PPP3R1: variants seen among roughly 807,000 people sequenced by gnomAD.
PPP3R1 encodes protein phosphatase 3 regulatory subunit B, alpha.
A neutral mutation model predicts 22.6 loss-of-function variants in PPP3R1; 5 were observed. The observed-to-expected ratio is 0.22, with a 90% CI of 0.12 to 0.46. The LOEUF is 0.46. PPP3R1 is among the 20% of genes least tolerant of loss of function. PPP3R1 has a pLI of 0.99. For synonymous variants in PPP3R1, 56 were observed against 65.2 expected (o/e 0.86, Z 0.68); for missense variants, 61 against 203.2 (o/e 0.30, Z 4.25).
In PPP3R1 at chr2:68,192,896, G is replaced by T. The variant is rs537277634; in HGVS notation, c.44-4206C>A. Among the ~76,000 whole-genome samples the T allele has an allele frequency of 3.3e-5, 5 of 152,160 alleles. No individual in the cohort carries two copies. In the South Asian group the frequency reaches 1.0e-3, roughly 32 times the overall value. ...CTTGGCACATCTCTGCTAAAGTATA[G>T]ATTTTATACCTCCATTTCCTTATAA... On this transcript the variant is annotated intron_variant, in intron 2 of 5. Transcript: ENST00000234310.
At chr2:68,183,056 T>C (rs1674448596) in intron 5 of PPP3R1, among the ~76,000 whole-genome samples, 1 of 152,214 alleles carries the variant, frequency 6.6e-6, no homozygotes, top group African/African-American at 2.4e-5. Context: ...CTCACCATGC[T>C]GGACCCTCTG....
At chr2:68,221,057 C>A (rs1319779518) in intron 1 of PPP3R1, among the ~76,000 whole-genome samples, 2 of 151,662 alleles carry the variant, frequency 1.3e-5, no homozygotes, top group Admixed American at 1.3e-4. Context: ...AAAGGCCAGG[C>A]ATGGTGGCTC....
intron 2 of PPP3R1, among the ~76,000 whole-genome samples, chr2:68,190,383 G>A (rs902551493): frequency 3.3e-5 from 5 of 151,808 alleles, no homozygotes; most frequent in African/African-American, 1.2e-4. Flanking sequence ...TGGCCAACGT[G>A]GTGAAACCTC....
At chr2:68,193,007 T>C (rs1572953843) in intron 2 of PPP3R1, among the ~76,000 whole-genome samples, 1 of 152,194 alleles carries the variant, frequency 6.6e-6, no homozygotes, top group African/African-American at 2.4e-5. Context: ...GGGTTACTAA[T>C]GATTTATCTT....
chr2:68,238,412 T>C (rs570041566), intron 1 of PPP3R1, among the ~76,000 whole-genome samples: 1 of 152,130 alleles, frequency 6.6e-6, no homozygotes, highest in African/African-American at 2.4e-5. Context: ...GGGAGAGACA[T>C]TGCCAACAGA....
chr2:68,182,078 C>T (rs1403524188), intron 5 of PPP3R1, among the ~76,000 whole-genome samples: 1 of 46,572 alleles, frequency 2.1e-5, no homozygotes, highest in South Asian at 9.2e-4. Context: ...CCAACCCCCC[C>T]CTCCCCCCAC....
At chr2:68,234,262 G>A (rs1053452971) in intron 1 of PPP3R1, among the ~76,000 whole-genome samples, 1 of 151,944 alleles carries the variant, frequency 6.6e-6, no homozygotes, top group Non-Finnish European at 1.5e-5. Flanking sequence ...AGAATGGCGT[G>A]AACCTGGGAG....
intron 2 of PPP3R1, among the ~76,000 whole-genome samples, chr2:68,196,900 T>A (rs981766766): frequency 6.6e-6 from 1 of 152,132 alleles, no homozygotes; most frequent in African/African-American, 2.4e-5. Flanking sequence ...GATTTTTGTA[T>A]TTTTGGTAGA....
intron 1 of PPP3R1, among the ~76,000 whole-genome samples, chr2:68,230,373 T>C (rs1194163473): frequency 6.6e-6 from 1 of 152,226 alleles, no homozygotes; most frequent in Non-Finnish European, 1.5e-5. Flanking sequence ...ATAATGCTTT[T>C]GCATGTATCT....
At position 68,179,215 on chromosome 2, in the gene PPP3R1, T is replaced by A. The variant is rs1209625316; in HGVS notation, c.*1748A>T. The A allele has an allele frequency of 6.6e-6, 1 of 152,660 alleles. No homozygotes were observed. The highest frequency in any genetic ancestry group is 1.5e-5 in the Non-Finnish European group (1 of 68,034). The allele number at this position is 152,660 out of a possible 1,614,324, so 9.5% of individuals were successfully genotyped here. On this transcript the variant is annotated 3_prime_UTR_variant, in exon 6 of 6. Coordinates refer to ENST00000234310, the MANE Select transcript of PPP3R1 (RefSeq NM_000945.4). ...CACATGGCAGTTGACACTGGAACAG[T>A]TCAAACCACTGGCTGGGATTATAAG... is the stretch of plus-strand genomic sequence containing the variant.
chr2:68,244,690 C>CA (rs1670201501), intron 1 of PPP3R1, among the ~76,000 whole-genome samples: 1 of 151,738 alleles, frequency 6.6e-6, no homozygotes, highest in Non-Finnish European at 1.5e-5. Flanking sequence ...TTTCTCTTAC[C>CA]AAAAAAGAAC....
In PPP3R1 at chr2:68,179,010, A is replaced by AAAAG. The variant is rs1395683707; in HGVS notation, c.*1952_*1953insCTTT. ...ACACACAAACTAAAAAAAAAAAAAA[A>AAAAG]AAAAAAGAAAAAGAAAAAACCCTCA... On this transcript the variant is annotated 3_prime_UTR_variant, in exon 6 of 6. Transcript: ENST00000234310. 7 of 21,198 alleles carry AAAAG rather than the reference A, an allele frequency of 3.3e-4. No individual in the cohort carries two copies. The highest frequency in any genetic ancestry group is 1.8e-3 in the Admixed American group (4 of 2,204). 1.3% of individuals were successfully genotyped at this position (21,198 alleles called of 1,614,324 possible). A position where few individuals can be genotyped will look rare whatever the true frequency, so the allele number is the denominator to read the frequency against.
At chr2:68,251,953 C>T (rs1429766867) in intron 1 of PPP3R1, among the ~76,000 whole-genome samples, 172 bp downstream of exon 1, 3 of 147,890 alleles carry the variant, frequency 2.0e-5, no homozygotes, top group Admixed American at 2.0e-4. Flanking sequence ...TCAGCAGCCG[C>T]CCCGCCGCCC....
intron 1 of PPP3R1, among the ~76,000 whole-genome samples, chr2:68,248,434 G>A (rs575830093): frequency 7.1e-4 from 108 of 152,302 alleles, no homozygotes; most frequent in African/African-American, 2.3e-3. Context: ...CATATAGTTA[G>A]TGCTAGGTAC....
chr2:68,220,961 G>C (rs985888949), intron 1 of PPP3R1, among the ~76,000 whole-genome samples: 5 of 152,036 alleles, frequency 3.3e-5, no homozygotes, highest in African/African-American at 1.2e-4. Flanking sequence ...AAATATTTTC[G>C]AATGACATAG....
chr2:68,208,006 A>C (rs1396194965), intron 2 of PPP3R1, among the ~76,000 whole-genome samples: 2 of 152,114 alleles, frequency 1.3e-5, no homozygotes, highest in African/African-American at 2.4e-5. Context: ...AAATACAAAA[A>C]TTAGCCAGGC....
Position 68,218,299 on chromosome 2 carries a change from T to G in PPP3R1, c.4-1168A>C, listed in dbSNP as rs553312262. Among the ~76,000 whole-genome samples the G allele has an allele frequency of 3.9e-5, 6 of 152,256 alleles. No individual in the cohort carries two copies. In the East Asian group the frequency reaches 1.2e-3, roughly 29 times the overall value. On this transcript the variant is annotated intron_variant, in intron 1 of 5. Transcript: ENST00000234310. ...TGGCTTTTAAACTCCTCAACGTACC[T>G]TTAATCTTATGTAAACTTAAAGGCT... is the stretch of plus-strand genomic sequence containing the variant.
rs553786924 is a variant in PPP3R1 at position 68,180,643 on chromosome 2, A to G, written c.*320T>C. ...CATATATCTATATATAAATATTTAC[A>G]TATGTATATATAGATACTTTCTTGT... On this transcript the variant is annotated 3_prime_UTR_variant, in exon 6 of 6. Coordinates refer to ENST00000234310, the MANE Select transcript of PPP3R1 (RefSeq NM_000945.4). The G allele has an allele frequency of 5.9e-5, 10 of 169,330 alleles. No individual in the cohort carries two copies. The highest frequency in any genetic ancestry group is 1.6e-4 in the East Asian group (1 of 6,272). The allele number at this position is 169,330 out of a possible 1,614,324, so 10.5% of individuals were successfully genotyped here.
chr2:68,205,515 G>T (rs1572960572), intron 2 of PPP3R1, among the ~76,000 whole-genome samples: 1 of 151,370 alleles, frequency 6.6e-6, no homozygotes, highest in East Asian at 2.0e-4. Flanking sequence ...GGATTACAGG[G>T]GTGAGCCACT....
Sources: allele counts gnomAD v4.1 joint callset (sites outside exome capture counted in the v4.1 genomes callset), GRCh38; gene constraint gnomAD v4.1.1; transcripts MANE v1.5; gene names NCBI Gene and HGNC (gene_info 2026-07-23, HGNC 2026-07-21).